The following TEX9 variants were observed in gnomAD, a reference collection of about 807,000 sequenced individuals.
TEX9 encodes the protein testis expressed 9, also known as testis-expressed protein 9.
In TEX9, 74 loss-of-function variants were observed where a neutral mutation model predicts 59.6. That is an observed-to-expected ratio of 1.24 (90% CI 1.03 to 1.51). The LOEUF is 1.51. TEX9 is among the 40% of genes most tolerant of loss of function. TEX9 has a pLI of 0.00. For synonymous variants in TEX9, 186 were observed against 152.2 expected (o/e 1.22, Z -1.64); for missense variants, 522 against 447.8 (o/e 1.17, Z -1.49).
upstream of TEX9, among the ~76,000 whole-genome samples, chr15:56,362,738 T>C (rs901305769): frequency 1.3e-5 from 2 of 152,218 alleles, no homozygotes; most frequent in African/African-American, 4.8e-5. Flanking sequence ...CAACTACTAA[T>C]CTACTTCTGT....
At chr15:56,394,961 C>G in intron 9 of TEX9, 127 bp downstream of exon 9, 15 of 898,466 alleles carry the variant, frequency 1.7e-5, no homozygotes. Context: ...AACTCTTTCC[C>G]CTTACATAGA....
chr15:56,404,491 G>T (rs76888292), intron 9 of TEX9, among the ~76,000 whole-genome samples: 1 of 151,910 alleles, frequency 6.6e-6, no homozygotes, highest in African/African-American at 2.4e-5. Context: ...ACAACAGATG[G>T]TGGAGAGGAT....
At chr15:56,259,270 A>G (rs964595098) in intron 1 of TEX9, among the ~76,000 whole-genome samples, 1 of 152,080 alleles carries the variant, frequency 6.6e-6, no homozygotes, top group Non-Finnish European at 1.5e-5. Flanking sequence ...CCTTTGGACT[A>G]CAACAGCAGA....
At chr15:56,245,364 C>T (rs1375087482) in intron 1 of TEX9, among the ~76,000 whole-genome samples, 1 of 152,204 alleles carries the variant, frequency 6.6e-6, no homozygotes, top group African/African-American at 2.4e-5. Flanking sequence ...CCCCCGCCCC[C>T]GGGGCCTCTT....
intron 9 of TEX9, chr15:56,409,739 T>G (rs1178227974): frequency 3.9e-5 from 6 of 152,278 alleles, no homozygotes; most frequent in African/African-American, 1.4e-4. Flanking sequence ...TGGGTTCATC[T>G]TCCCACATTG....
intron 1 of TEX9, among the ~76,000 whole-genome samples, chr15:56,268,908 T>C (rs2044455671): frequency 6.6e-6 from 1 of 152,196 alleles, no homozygotes; most frequent in Admixed American, 6.5e-5. Context: ...TGGTACCAGC[T>C]CCTTTTTGTA....
intron 12 of TEX9, chr15:56,431,537 T>C (rs1262770262): frequency 1.2e-6 from 2 of 1,608,710 alleles, no homozygotes; most frequent in African/African-American, 2.7e-5. Context: ...ACAAAGTACA[T>C]TAATCTTATA....
Position 56,389,220 on chromosome 15 carries a change from G to T in TEX9, c.313-98G>T, listed in dbSNP as rs566031800. 52 of 928,406 alleles carry T rather than the reference G, an allele frequency of 5.6e-5. 1 individual carries two copies. In the South Asian group the frequency reaches 7.1e-4, roughly 13 times the overall value. The allele number at this position is 928,406 out of a possible 1,614,324, so 57.5% of individuals were successfully genotyped here. On this transcript the variant is annotated intron_variant, in intron 5 of 12. Coordinates refer to ENST00000352903, the Ensembl canonical transcript of TEX9. ...AATTCCATGAAAATAGCAAATAGCA[G>T]TTTTTCTGTGTAGCAAAATTCTATG...
At chr15:56,460,005 A>ATATATATATATATATATATAT in the TEX9 span, among the ~76,000 whole-genome samples, 7 of 30,512 alleles carry the variant, frequency 2.3e-4, no homozygotes, top group African/African-American at 8.3e-4. Context: ...AAAAAAAAAA[A>ATATATATATATATATATATAT]AAAAATACAT....
intron 1 of TEX9, among the ~76,000 whole-genome samples, chr15:56,253,218 G>T (rs2044069844): frequency 6.6e-6 from 1 of 152,078 alleles, no homozygotes; most frequent in Non-Finnish European, 1.5e-5. Context: ...CTGCGTGTTT[G>T]AAATGCACAA....
At chr15:56,245,323 G>C (rs2043822696) in intron 1 of TEX9, among the ~76,000 whole-genome samples, 1 of 152,154 alleles carries the variant, frequency 6.6e-6, no homozygotes, top group South Asian at 2.1e-4. Flanking sequence ...GGTGCAGGGA[G>C]GAAGAACACC....
At chr15:56,272,704 G>T (rs566299118) in intron 1 of TEX9, among the ~76,000 whole-genome samples, 2 of 152,112 alleles carry the variant, frequency 1.3e-5, no homozygotes, top group South Asian at 4.2e-4. Flanking sequence ...TCTCATAGTG[G>T]CTGCACCATT....
chr15:56,331,131 A>G (rs1436320876), intron 1 of TEX9, among the ~76,000 whole-genome samples: 2 of 152,228 alleles, frequency 1.3e-5, no homozygotes, highest in Non-Finnish European at 2.9e-5. Context: ...TGCAGCCAAC[A>G]TTGGAGGACT....
At chr15:56,387,455 C>T (rs1042424481) in intron 4 of TEX9, among the ~76,000 whole-genome samples, 1 of 151,030 alleles carries the variant, frequency 6.6e-6, no homozygotes, top group Non-Finnish European at 1.5e-5. Context: ...TTTTTTCTTC[C>T]CAGAGGTATT....
chr15:56,337,425 C>G (rs1385010166), intron 1 of TEX9, among the ~76,000 whole-genome samples: 1 of 152,134 alleles, frequency 6.6e-6, no homozygotes, highest in African/African-American at 2.4e-5. Context: ...AAAGTATAAG[C>G]TGTTGGAACT....
At chr15:56,303,689 TGAAAAG>T (rs1418237191) in intron 1 of TEX9, among the ~76,000 whole-genome samples, 1 of 151,694 alleles carries the variant, frequency 6.6e-6, no homozygotes, top group Non-Finnish European at 1.5e-5. Context: ...GAAATGGAAA[TGAAAAG>T]GACAATACAA....
chr15:56,283,450 A>G (rs1183678686), intron 1 of TEX9, among the ~76,000 whole-genome samples: 2 of 152,180 alleles, frequency 1.3e-5, no homozygotes, highest in Non-Finnish European at 2.9e-5. Flanking sequence ...TAGTCCTGAA[A>G]TAAATTTGAA....
At chr15:56,388,990 T>C (rs1452985960) in intron 5 of TEX9, among the ~76,000 whole-genome samples, 3 of 151,742 alleles carry the variant, frequency 2.0e-5, no homozygotes, top group Non-Finnish European at 2.9e-5. Context: ...CCACGGGAGG[T>C]CTGCCTGGGG....
At chr15:56,338,790 T>C (rs2718906) in intron 1 of TEX9, among the ~76,000 whole-genome samples, 136,203 of 151,952 alleles carry the variant, frequency 0.9, 61,882 homozygotes, top group Non-Finnish European at 0.98. Flanking sequence ...TGGTGGCGAG[T>C]GCCTTTAATC....
Sources: allele counts gnomAD v4.1 joint callset (sites outside exome capture counted in the v4.1 genomes callset), GRCh38; gene constraint gnomAD v4.1.1; transcripts MANE v1.5; gene names NCBI Gene and HGNC (gene_info 2026-07-23, HGNC 2026-07-21).